The following SYTL3 variants were observed in gnomAD, a reference collection of about 807,000 sequenced individuals.
The protein encoded by SYTL3 is synaptotagmin-like protein 3.
SYTL3 carries 88 observed loss-of-function variants against 82.1 expected under a neutral mutation model. The observed-to-expected ratio is 1.07, with a 90% CI of 0.90 to 1.28. The LOEUF is 1.28. SYTL3 is among the 50% of genes most tolerant of loss of function. The pLI, the probability that SYTL3 is intolerant of heterozygous loss-of-function variation, is 0.00. For missense variants in SYTL3, 831 were observed against 757.6 expected (o/e 1.10, Z -1.14); for synonymous variants, 311 against 289.4 (o/e 1.07, Z -0.76).
At chr6:158,758,825 C>A (rs968691382) in intron 14 of SYTL3, among the ~76,000 whole-genome samples, 1 of 152,294 alleles carries the variant, frequency 6.6e-6, no homozygotes, top group Non-Finnish European at 1.5e-5. Flanking sequence ...TTACCCCTAC[C>A]AGAAGTGGCC....
At chr6:158,718,631 G>A (rs1373574997) in intron 10 of SYTL3, among the ~76,000 whole-genome samples, 4 of 152,208 alleles carry the variant, frequency 2.6e-5, no homozygotes, top group Non-Finnish European at 5.9e-5. Context: ...ACGTAAAGGC[G>A]CGAGCAAGCC....
chr6:158,763,542 A>G, intron 17 of SYTL3, 33 bp downstream of exon 17: 1 of 1,577,432 alleles, frequency 6.3e-7, no homozygotes, highest in Non-Finnish European at 8.7e-7. Flanking sequence ...AAACGTTTAT[A>G]CTTTGTGATT....
At chr6:158,656,711 C>T (rs1033663873) in intron 2 of SYTL3, among the ~76,000 whole-genome samples, 31 of 151,378 alleles carry the variant, frequency 2.0e-4, no homozygotes, top group Non-Finnish European at 3.5e-4. Flanking sequence ...GGCGACAGAG[C>T]GAGACTCTGT....
In SYTL3 at chr6:158,708,047, C is replaced by T. The variant is rs557617099; in HGVS notation, c.447-275C>T. 5.3e-5 allele frequency among the ~76,000 whole-genome samples: 8 copies of T among 152,272 alleles called. No individual in the cohort carries two copies. The South Asian group carries it at 1.7e-3, about 32-fold the overall frequency. ...CCCGCAGCCAGGTGGCAGGTCCAGG[C>T]CGGAGCACCCAGGCTGTTTCAGAAC... is the stretch of plus-strand genomic sequence containing the variant. On this transcript the variant is annotated intron_variant, in intron 7 of 17. Transcript: ENST00000611299.
chr6:158,707,282 G>A lies in SYTL3; in HGVS notation c.446+1G>A, dbSNP rs1782205671. The A allele has an allele frequency of 1.9e-6, 3 of 1,613,796 alleles. No individual in the cohort carries two copies. Among genetic ancestry groups the A allele is most frequent in the South Asian group, 1.1e-5 (1 of 91,086 alleles). ...TCTTGCAATCTTATCAGAAGCTGAG[G>A]TGAGTGTTACAAAGGACAGACCGTC... On this transcript the variant is annotated splice_donor_variant, in intron 7 of 17. Transcript: ENST00000611299. LOFTEE classifies it high-confidence loss of function.
rs534588033 is a variant in SYTL3 at position 158,757,507 on chromosome 6, C to T, written c.1308+126C>T. 10 of 1,047,248 alleles carry T rather than the reference C, an allele frequency of 9.5e-6. No homozygotes were observed. The South Asian group carries it at 1.2e-4, about 13-fold the overall frequency. 64.9% of individuals were successfully genotyped at this position (1,047,248 alleles called of 1,614,324 possible). A position where few individuals can be genotyped will look rare whatever the true frequency, so the allele number is the denominator to read the frequency against. The stretch of plus-strand genomic sequence containing the variant: ...GGACCCAAGACTGTGTGTTCGCCGG[C>T]CTGGCGCTGTGACTTTGAAATAGTT... On this transcript the variant is annotated intron_variant, in intron 14 of 17. Coordinates refer to ENST00000611299, the MANE Select transcript of SYTL3 (RefSeq NM_001242394.2).
At position 158,733,478 on chromosome 6, in the gene SYTL3, C is replaced by T. The variant is rs1250974213; in HGVS notation, c.855+7841C>T. On this transcript the variant is annotated intron_variant, in intron 11 of 17. Coordinates refer to ENST00000611299, the MANE Select transcript of SYTL3 (RefSeq NM_001242394.2). ...AGTAACTGGAACCACAGGTGCCCGCCACCACGCCCGGCTAATTTTTCTGTA... is the reference window on the plus strand; with the variant it reads ...AGTAACTGGAACCACAGGTGCCCGCTACCACGCCCGGCTAATTTTTCTGTA... Among the ~76,000 whole-genome samples the T allele has an allele frequency of 4.6e-5, 7 of 152,160 alleles. No homozygotes were observed. In the East Asian group the frequency reaches 1.4e-3, roughly 30 times the overall value.
chr6:158,711,960 A>G (rs1177338188), intron 8 of SYTL3, among the ~76,000 whole-genome samples: 1 of 152,196 alleles, frequency 6.6e-6, no homozygotes, highest in African/African-American at 2.4e-5. Context: ...CTGACCTCCC[A>G]TCTCATCCTG....
intron 5 of SYTL3, among the ~76,000 whole-genome samples, chr6:158,674,210 C>T (rs1372662893): frequency 6.6e-6 from 1 of 152,000 alleles, no homozygotes; most frequent in East Asian, 1.9e-4. Flanking sequence ...CCAAGTCAGC[C>T]TCACAGATTC....
rs756261700 is a variant in SYTL3 at position 158,764,775 on chromosome 6, C to G, written c.*171C>G. ...GCCTATTGGTATCTGTGTATATTTACGTTAAACACAATTATGTTACCTAAG... is the reference window on the plus strand; with the variant it reads ...GCCTATTGGTATCTGTGTATATTTAGGTTAAACACAATTATGTTACCTAAG... On this transcript the variant is annotated 3_prime_UTR_variant, in exon 18 of 18. Transcript: ENST00000611299. 2.8e-5 allele frequency: 15 copies of G among 533,834 alleles called. No homozygotes were observed. Among genetic ancestry groups the G allele is most frequent in the Non-Finnish European group, 4.7e-5 (14 of 296,820 alleles). 33.1% of individuals were successfully genotyped at this position (533,834 alleles called of 1,614,324 possible).
At chr6:158,746,591 G>T (rs2128516718) in intron 12 of SYTL3, among the ~76,000 whole-genome samples, 1 of 151,572 alleles carries the variant, frequency 6.6e-6, no homozygotes, top group East Asian at 1.9e-4. Flanking sequence ...TCAGTCTCCT[G>T]AGCATCTGGG....
chr6:158,756,717 AAATTTTTTTTTTTTTTTT>A (rs1213536881), intron 13 of SYTL3, among the ~76,000 whole-genome samples: 3 of 53,210 alleles, frequency 5.6e-5, no homozygotes, highest in South Asian at 1.5e-3. Flanking sequence ...TCTCAAAAAA[AAATTTTTTTTTTTTTTTT>A]TTTTTTTTTT....
intron 11 of SYTL3, among the ~76,000 whole-genome samples, chr6:158,728,235 G>A (rs1278259583): frequency 6.6e-6 from 1 of 152,008 alleles, no homozygotes; most frequent in Admixed American, 6.6e-5. Context: ...TCAGGGCTGT[G>A]CTCCAGCTCG....
intron 11 of SYTL3, among the ~76,000 whole-genome samples, chr6:158,731,662 C>G (rs1771082340): frequency 6.6e-6 from 1 of 152,188 alleles, no homozygotes; most frequent in Non-Finnish European, 1.5e-5. Context: ...GGTGCAATCT[C>G]AGCTCACTGC....
At chr6:158,713,538 C>T (rs1385630514) in intron 8 of SYTL3, among the ~76,000 whole-genome samples, 1 of 152,104 alleles carries the variant, frequency 6.6e-6, no homozygotes, top group Non-Finnish European at 1.5e-5. Context: ...GTCAACAACC[C>T]GCTGATAATG....
intron 11 of SYTL3, chr6:158,726,680 GA>G: frequency 3.5e-6 from 1 of 287,850 alleles, no homozygotes; most frequent in South Asian, 4.8e-5. Context: ...TGGCTGGCTG[GA>G]AGCCTTCGTT....
At chr6:158,679,478 C>T (rs1778414281) in intron 5 of SYTL3, among the ~76,000 whole-genome samples, 1 of 152,088 alleles carries the variant, frequency 6.6e-6, no homozygotes, top group Non-Finnish European at 1.5e-5. Flanking sequence ...GGGTAATGGA[C>T]ACCCGGGCCA....
intron 13 of SYTL3, among the ~76,000 whole-genome samples, chr6:158,756,151 C>T (rs529590983): frequency 6.6e-6 from 1 of 152,252 alleles, no homozygotes; most frequent in Non-Finnish European, 1.5e-5. Flanking sequence ...TCAGCCACAC[C>T]TTGGGAAGGG....
In SYTL3 at chr6:158,763,523, A is replaced by C. The variant is rs1173460528; in HGVS notation, c.1723+14A>C. 18 of 1,608,754 alleles carry C rather than the reference A, an allele frequency of 1.1e-5. No individual in the cohort carries two copies. The highest frequency in any genetic ancestry group is 1.5e-5 in the Non-Finnish European group (18 of 1,175,190). ...GACTTGGTTCAAGTAAGTCTGAGAC[A>C]TTGAGCCCAAACGTTTATACTTTGT... On this transcript the variant is annotated intron_variant, in intron 17 of 17. Transcript: ENST00000611299.
Sources: allele counts gnomAD v4.1 joint callset (sites outside exome capture counted in the v4.1 genomes callset), GRCh38; gene constraint gnomAD v4.1.1; transcripts MANE v1.5; gene names NCBI Gene and HGNC (gene_info 2026-07-23, HGNC 2026-07-21).